ITGAM: variants seen among roughly 807,000 people sequenced by gnomAD.
ITGAM encodes integrin alpha-M.
ITGAM carries 79 observed loss-of-function variants against 137.5 expected under a neutral mutation model. The ratio of observed to expected loss-of-function variants is 0.57; its 90% CI spans 0.48 to 0.69. The LOEUF (loss-of-function observed/expected upper bound fraction) is 0.69. Among genes scored for constraint, ITGAM ranks in the 30% least tolerant of loss-of-function variants. The pLI is 0.00. For synonymous variants in ITGAM, 583 were observed against 592.3 expected (o/e 0.98, Z 0.23); for missense variants, 1,343 against 1,483.5 (o/e 0.91, Z 1.56).
At chr16:31,270,122 CT>C (rs2079812681) in intron 5 of ITGAM, among the ~76,000 whole-genome samples, 1 of 144,188 alleles carries the variant, frequency 6.9e-6, no homozygotes, top group South Asian at 2.2e-4. Flanking sequence ...TCCTTCCTTC[CT>C]TCCTTCCTCC....
intron 28 of ITGAM, 40 bp from the exon 29 acceptor site, chr16:31,331,125 C>T: frequency 9.4e-7 from 1 of 1,069,250 alleles, no homozygotes. Context: ...CCCCAGAAAT[C>T]CAGAGTCGTC....
intron 12 of ITGAM, among the ~76,000 whole-genome samples, chr16:31,281,517 A>G (rs898555951): frequency 2.0e-5 from 3 of 152,098 alleles, no homozygotes; most frequent in East Asian, 1.9e-4. Flanking sequence ...AGAGGTGTTT[A>G]TAGTATTCTC....
chr16:31,260,329 T>G (rs374741396), intron 1 of ITGAM, among the ~76,000 whole-genome samples: 4 of 152,206 alleles, frequency 2.6e-5, no homozygotes, highest in African/African-American at 9.6e-5. Context: ...GCCGGTCCCC[T>G]TGCTTCACAC....
At chr16:31,266,696 C>G (rs923796444) in intron 5 of ITGAM, among the ~76,000 whole-genome samples, 1 of 151,948 alleles carries the variant, frequency 6.6e-6, no homozygotes, top group Non-Finnish European at 1.5e-5. Context: ...GGTGACAGAG[C>G]AAGACCCTGT....
chr16:31,331,252 C>T lies in ITGAM; in HGVS notation c.3364C>T (p.Leu1122Phe). 1.2e-6 allele frequency: 2 copies of T among 1,611,768 alleles called. No individual in the cohort carries two copies. The highest frequency in any genetic ancestry group is 1.7e-6 in the Non-Finnish European group (2 of 1,178,634). ...TGTCGGGGGACTGCTGCTCCTGGCC[C>T]TCATCACCGCCGCGCTGTACAAGGT... is the stretch of plus-strand genomic sequence containing the variant. ...SSVGGLLLLA[L>F]ITAALYKLGF... The change falls in exon 29 of 30, where the codon CTC (leucine) becomes TTC (phenylalanine). Residue 1122 changes from leucine to phenylalanine, a missense_variant. Leu to Phe is a conservative substitution (Grantham distance 22). Transcript: ENST00000544665.
At chr16:31,328,049 C>T (rs980570137) in intron 22 of ITGAM, 98 bp from the exon 23 acceptor site, 6 of 913,610 alleles carry the variant, frequency 6.6e-6, no homozygotes, top group Non-Finnish European at 9.1e-6. Context: ...GATAACAGAA[C>T]TTGGTGGCTG....
At chr16:31,265,940 G>C (rs891793675) in intron 4 of ITGAM, 59 bp downstream of exon 4, 6 of 1,597,822 alleles carry the variant, frequency 3.8e-6, no homozygotes, top group Admixed American at 3.3e-5. Flanking sequence ...CCCACGCATG[G>C]TGGGGCTGGG....
intron 14 of ITGAM, among the ~76,000 whole-genome samples, chr16:31,301,606 T>C (rs1597013019): frequency 6.6e-6 from 1 of 152,204 alleles, no homozygotes; most frequent in African/African-American, 2.4e-5. Flanking sequence ...TATTAGCTCA[T>C]ATATTTGGAA....
intron 14 of ITGAM, among the ~76,000 whole-genome samples, chr16:31,303,187 C>T (rs1156565904): frequency 6.6e-6 from 1 of 151,580 alleles, no homozygotes; most frequent in Non-Finnish European, 1.5e-5. Context: ...TGTGCACCCC[C>T]ACGCTTGGCT....
At chr16:31,298,582 G>A (rs1300245705) in intron 14 of ITGAM, among the ~76,000 whole-genome samples, 2 of 152,154 alleles carry the variant, frequency 1.3e-5, no homozygotes, top group East Asian at 1.9e-4. Context: ...TCTGAATCTC[G>A]GTCCTGGTAA....
rs1362079245 is a variant in ITGAM at position 31,329,298 on chromosome 16, T to G, written c.2863T>G (p.Tyr955Asp). Reference sequence around the variant, plus strand: ...TACCAGTCGGGTCATGCAGCATCAATATCAGGTGGGCAGCTGGGACGTCTG... The same window carrying G: ...TACCAGTCGGGTCATGCAGCATCAAGATCAGGTGGGCAGCTGGGACGTCTG... ...ENTSRVMQHQ[Y>D]QVSNLGQRSL... Residue 955 changes from tyrosine to aspartate, a missense_variant, in exon 24 of 30, where the codon TAT becomes GAT. By Grantham distance (160) the Tyr-to-Asp change is radical. Coordinates refer to ENST00000544665, the MANE Select transcript of ITGAM (RefSeq NM_000632.4). The G allele has an allele frequency of 1.2e-6, 2 of 1,609,326 alleles. No individual in the cohort carries two copies. Among genetic ancestry groups the G allele is most frequent in the Non-Finnish European group, 1.7e-6 (2 of 1,176,090 alleles).
At chr16:31,306,743 C>G (rs1429534662) in intron 14 of ITGAM, among the ~76,000 whole-genome samples, 2 of 152,062 alleles carry the variant, frequency 1.3e-5, no homozygotes, top group Non-Finnish European at 1.5e-5. Flanking sequence ...AACTACTGAC[C>G]TTGTGATCTG....
At position 31,278,044 on chromosome 16, in the gene ITGAM, C is replaced by A; in HGVS notation, c.1291C>A (p.Leu431Met). Residue 431 changes from leucine to methionine, a missense_variant, in exon 12 of 30, where the codon CTG becomes ATG. Coordinates refer to ENST00000544665, the MANE Select transcript of ITGAM (RefSeq NM_000632.4). ...GGCACCTCGATATCAGCACATCGGC[C>A]TGGTAGCGATGTTCAGGCAGAACAC... Reference protein sequence around the residue: ...LGAPRYQHIGLVAMFRQNTGM... With the variant: ...LGAPRYQHIGMVAMFRQNTGM... 6.2e-7 allele frequency: 1 copy of A among 1,608,068 alleles called. No homozygotes were observed. Among genetic ancestry groups the A allele is most frequent in the Non-Finnish European group, 8.5e-7 (1 of 1,177,386 alleles).
chr16:31,329,697 G>A, intron 24 of ITGAM, 101 bp from the exon 25 acceptor site: 1 of 907,978 alleles, frequency 1.1e-6, no homozygotes, highest in South Asian at 1.6e-5. Context: ...GAAGGGGCAG[G>A]ACGCCCGGGC....
Position 31,330,094 on chromosome 16 carries a change from CG to C in ITGAM, c.2991del (p.Cys998AlafsTer23), listed in dbSNP as rs2080560008. 1.2e-6 allele frequency: 2 copies of C among 1,613,606 alleles called. No individual in the cohort carries two copies. Among genetic ancestry groups the C allele is most frequent in the Admixed American group, 1.7e-5 (1 of 59,956 alleles). ...QVTFSENLSS[T>X]CHTKERLPSH... is the part of the protein sequence containing the mutation. The stretch of plus-strand genomic sequence containing the variant: ...CTCTTTCCTCAGAACCTCTCGAGTA[CG>C]TGCCACACCAAGGAGCGCTTGCCCT... On this transcript the variant is annotated frameshift_variant, in exon 26 of 30. Transcript: ENST00000544665. LOFTEE classifies it high-confidence loss of function.
intron 2 of ITGAM, among the ~76,000 whole-genome samples, chr16:31,262,234 C>T (rs182726236): frequency 1.0e-3 from 157 of 151,860 alleles, no homozygotes; most frequent in African/African-American, 3.5e-3. Flanking sequence ...CCCTTCCCTC[C>T]CTTCCTCCCT....
At chr16:31,287,840 G>T (rs1020495449) in intron 12 of ITGAM, among the ~76,000 whole-genome samples, 2 of 151,932 alleles carry the variant, frequency 1.3e-5, no homozygotes, top group Non-Finnish European at 2.9e-5. Flanking sequence ...GGGGAAAAAA[G>T]TGTAGAGGAA....
At position 31,324,448 on chromosome 16, in the gene ITGAM, C is replaced by T. The variant is rs1296496417; in HGVS notation, c.2052C>T (p.Arg684=). ...VTYDLALDSG[R]PHSRAVFNET... Reference sequence around the variant, plus strand: ...ATGACCTGGCTCTGGACTCCGGCCGCCCACATTCCCGCGCCGTCTTCAATG... The same window carrying T: ...ATGACCTGGCTCTGGACTCCGGCCGTCCACATTCCCGCGCCGTCTTCAATG... The change falls in exon 17 of 30, where the codon CGC becomes CGT. Residue 684 remains arginine (R), a synonymous_variant. Coordinates refer to ENST00000544665, the MANE Select transcript of ITGAM (RefSeq NM_000632.4). This position sits in a 1 kb window ranked among gnomAD's most constrained non-coding sequence, Gnocchi z 4.5. The T allele has an allele frequency of 2.6e-6, 4 of 1,558,484 alleles. No homozygotes were observed. The highest frequency in any genetic ancestry group is 2.4e-5 in the East Asian group (1 of 41,378).
In ITGAM at chr16:31,322,818, C is replaced by T. The variant is rs954597349; in HGVS notation, c.2002+1191C>T. On this transcript the variant is annotated intron_variant, in intron 16 of 29. Coordinates refer to ENST00000544665, the MANE Select transcript of ITGAM (RefSeq NM_000632.4). ...AAATGGAAACTCTAGAACCAAAAAT[C>T]GCACTGACTGAAATGAAGAATTCAG... 3.3e-5 allele frequency among the ~76,000 whole-genome samples: 5 copies of T among 152,176 alleles called. No individual in the cohort carries two copies. The South Asian group carries it at 6.2e-4, about 19-fold the overall frequency.
Sources: allele counts gnomAD v4.1 joint callset (sites outside exome capture counted in the v4.1 genomes callset), GRCh38; gene constraint gnomAD v4.1.1; non-coding constraint Gnocchi (gnomAD v3.1); transcripts MANE v1.5; gene names NCBI Gene and HGNC (gene_info 2026-07-23, HGNC 2026-07-21).